Variants in ABCC4 observed in about 807,000 individuals in gnomAD.
ABCC4 encodes ATP-binding cassette sub-family C member 4.
ABCC4 carries 102 observed loss-of-function variants against 168.5 expected under a neutral mutation model. The observed-to-expected ratio is 0.61, with a 90% CI of 0.52 to 0.71. The LOEUF (loss-of-function observed/expected upper bound fraction) is 0.71. Ranked by LOEUF, ABCC4 falls within the 30% of genes least tolerant of loss-of-function variation. The pLI is 0.00. For synonymous variants in ABCC4, 617 were observed against 590.7 expected (o/e 1.04, Z -0.65); for missense variants, 1,402 against 1,605.8 (o/e 0.87, Z 2.17).
At chr13:95,070,188 GT>G in intron 25 of ABCC4, among the ~76,000 whole-genome samples, 1 of 152,196 alleles carries the variant, frequency 6.6e-6, no homozygotes, top group Non-Finnish European at 1.5e-5. Flanking sequence ...AGGTTGCAGT[GT>G]GCCGGGAATG....
intron 19 of ABCC4, among the ~76,000 whole-genome samples, chr13:95,132,268 T>C (rs907338549): frequency 6.6e-6 from 1 of 152,116 alleles, no homozygotes; most frequent in Non-Finnish European, 1.5e-5. Context: ...AAGACTGGAG[T>C]GTAGTGGCGT....
chr13:95,159,197 C>T (rs1372502702), intron 19 of ABCC4, among the ~76,000 whole-genome samples: 3 of 140,142 alleles, frequency 2.1e-5, no homozygotes, highest in Admixed American at 1.5e-4. Context: ...TTTTGTGTAT[C>T]CTTCACCATT....
At chr13:95,049,050 C>T (rs559653252) in intron 27 of ABCC4, among the ~76,000 whole-genome samples, 12 of 152,162 alleles carry the variant, frequency 7.9e-5, no homozygotes, top group African/African-American at 2.4e-4. Flanking sequence ...CCCCAAAAAA[C>T]GAGCAGGGTG....
At chr13:95,076,763 C>A (rs946306819) in intron 21 of ABCC4, among the ~76,000 whole-genome samples, 1 of 152,084 alleles carries the variant, frequency 6.6e-6, no homozygotes, top group African/African-American at 2.4e-5. Context: ...CCGCACCTGG[C>A]CTGTTGGGTT....
chr13:95,219,609 C>A (rs1347926745), intron 4 of ABCC4, among the ~76,000 whole-genome samples: 1 of 152,058 alleles, frequency 6.6e-6, no homozygotes, highest in Non-Finnish European at 1.5e-5. Context: ...GGGGTCCAAG[C>A]AATCCTCCTG....
intron 3 of ABCC4, among the ~76,000 whole-genome samples, chr13:95,235,165 A>C (rs541128896): frequency 6.6e-6 from 1 of 152,256 alleles, no homozygotes; most frequent in East Asian, 1.9e-4. Context: ...TGCTAGGATT[A>C]CAGATGTGAG....
intron 3 of ABCC4, among the ~76,000 whole-genome samples, chr13:95,239,656 A>G (rs942291845): frequency 6.6e-6 from 1 of 152,226 alleles, no homozygotes; most frequent in African/African-American, 2.4e-5. Context: ...TAAATCCATG[A>G]GCTCACAATC....
chr13:95,029,890 T>C (rs2031782670), intron 30 of ABCC4, among the ~76,000 whole-genome samples: 1 of 152,122 alleles, frequency 6.6e-6, no homozygotes, highest in Non-Finnish European at 1.5e-5. Context: ...AGGCCTTGGG[T>C]GACTTCTGTA....
At chr13:95,259,493 C>T (rs766290364) in intron 1 of ABCC4, among the ~76,000 whole-genome samples, 14 of 152,118 alleles carry the variant, frequency 9.2e-5, no homozygotes, top group Non-Finnish European at 4.4e-5. Context: ...GGTGTCGTCC[C>T]GTGCACTGTA....
At chr13:95,047,244 C>T (rs1349996094) in intron 27 of ABCC4, among the ~76,000 whole-genome samples, 1 of 152,158 alleles carries the variant, frequency 6.6e-6, no homozygotes. Flanking sequence ...CCTGGCTCTG[C>T]CAACTGGGCA....
chr13:95,206,839 A>C, intron 7 of ABCC4, 58 bp from the exon 8 acceptor site: 75 of 1,579,528 alleles, frequency 4.7e-5, no homozygotes, highest in Middle Eastern at 1.7e-4. Context: ...AAAGTGGCTC[A>C]CGCCTGCAAT....
At chr13:95,064,465 A>G (rs1164483768) in intron 25 of ABCC4, among the ~76,000 whole-genome samples, 3 of 148,386 alleles carry the variant, frequency 2.0e-5, no homozygotes. Context: ...ACCTGACTAT[A>G]TTTTGTCTCT....
chr13:95,294,916 T>G (rs940326847), intron 1 of ABCC4, among the ~76,000 whole-genome samples: 3 of 152,004 alleles, frequency 2.0e-5, no homozygotes, highest in Admixed American at 1.3e-4. Context: ...ATCACGCCAC[T>G]GCACTCCAGC....
chr13:95,060,210 G>A (rs137868941), intron 26 of ABCC4, among the ~76,000 whole-genome samples: 172 of 152,302 alleles, frequency 1.1e-3, no homozygotes, highest in African/African-American at 3.4e-3. Context: ...GATCTACATG[G>A]ATACAAAGCT....
At chr13:95,159,367 G>A (rs1222770894) in intron 19 of ABCC4, among the ~76,000 whole-genome samples, 1 of 151,560 alleles carries the variant, frequency 6.6e-6, no homozygotes, top group Non-Finnish European at 1.5e-5. Flanking sequence ...GTACTTATTT[G>A]GGCTTCTATT....
At chr13:95,297,872 G>A (rs2041575400) in intron 1 of ABCC4, among the ~76,000 whole-genome samples, 1 of 152,106 alleles carries the variant, frequency 6.6e-6, no homozygotes, top group African/African-American at 2.4e-5. Context: ...AAGGGGGTGG[G>A]AACTACGAGG....
rs773328777 is a variant in ABCC4 at position 95,286,123 on chromosome 13, C to CTTTT, written c.74+15114_74+15117dup. Among the ~76,000 whole-genome samples, 45 of 105,560 alleles carry CTTTT rather than the reference C, an allele frequency of 4.3e-4. 1 individual carries two copies. The highest frequency in any genetic ancestry group is 1.2e-3 in the African/African-American group (38 of 30,542). The allele number at this position is 105,560 out of a possible 152,430, so 69.3% of individuals were successfully genotyped here. A position where few individuals can be genotyped will look rare whatever the true frequency, so the allele number is the denominator to read the frequency against. Reference sequence around the variant, plus strand: ...GCTGTGAAACTGCTTTCCAGAAAAACTTTTTTTTTTTTTTGAGACGGAGTC... The same window carrying CTTTT: ...GCTGTGAAACTGCTTTCCAGAAAAACTTTTTTTTTTTTTTTTTTGAGACGGAGTC... On this transcript the variant is annotated intron_variant, in intron 1 of 30. Coordinates refer to ENST00000645237, the MANE Select transcript of ABCC4 (RefSeq NM_005845.5).
chr13:95,263,786 G>A (rs2040596458), intron 1 of ABCC4, among the ~76,000 whole-genome samples: 1 of 151,030 alleles, frequency 6.6e-6, no homozygotes, highest in Non-Finnish European at 1.5e-5. Flanking sequence ...TCGTGCCACT[G>A]TACTTCAGCC....
At position 95,257,410 on chromosome 13, in the gene ABCC4, G is replaced by A. The variant is rs112672340; in HGVS notation, c.75-9657C>T. ...CGTAGGCCGGGCGCAGCACACGCCTGTAATCCCAGCACTTTGGGAGGCCGA... is the reference window on the plus strand; with the variant it reads ...CGTAGGCCGGGCGCAGCACACGCCTATAATCCCAGCACTTTGGGAGGCCGA... On this transcript the variant is annotated intron_variant, in intron 1 of 30. Coordinates refer to ENST00000645237, the MANE Select transcript of ABCC4 (RefSeq NM_005845.5). Among the ~76,000 whole-genome samples the A allele has an allele frequency of 9.2e-3, 1,403 of 152,284 alleles. 17 individuals are homozygous for A. The highest frequency in any genetic ancestry group is 0.011 in the Non-Finnish European group (770 of 68,022).
Sources: allele counts gnomAD v4.1 joint callset (sites outside exome capture counted in the v4.1 genomes callset), GRCh38; gene constraint gnomAD v4.1.1; transcripts MANE v1.5; gene names NCBI Gene and HGNC (gene_info 2026-07-23, HGNC 2026-07-21).